The following TSKS variants were observed in gnomAD, a reference collection of about 807,000 sequenced individuals.
TSKS encodes testis-specific serine kinase substrate.
A neutral mutation model predicts 68.0 loss-of-function variants in TSKS; 27 were observed. The observed-to-expected ratio is 0.40, with a 90% CI of 0.29 to 0.55. TSKS has a LOEUF of 0.55. Among genes scored for constraint, TSKS ranks in the 20% least tolerant of loss-of-function variants. The probability of loss-of-function intolerance (pLI) is 0.53; values close to 1 mark genes in which losing one functional copy is unlikely to be tolerated. For synonymous variants in TSKS, 331 were observed against 340.4 expected (o/e 0.97, Z 0.30); for missense variants, 806 against 776.0 (o/e 1.04, Z -0.46).
At position 49,746,689 on chromosome 19, in the gene TSKS, G is replaced by A. The variant is rs1568562232; in HGVS notation, c.773C>T (p.Pro258Leu). The change falls in exon 6 of 11, where the codon CCG becomes CTG. Residue 258 changes from proline to leucine, a missense_variant. By Grantham distance (98) the Pro-to-Leu change is moderately conservative (BLOSUM62 -3). Coordinates refer to ENST00000246801, the MANE Select transcript of TSKS (RefSeq NM_021733.2). Reference protein sequence around the residue: ...EKQEPEEKQEPEEKQKPEAGL... With the variant: ...EKQEPEEKQELEEKQKPEAGL... ...AGCCTCCGGCTTCTGCTTCTCCTCCGGCTCCTGCTTCTCCTCCGGCTCCTG... is the reference window on the plus strand; with the variant it reads ...AGCCTCCGGCTTCTGCTTCTCCTCCAGCTCCTGCTTCTCCTCCGGCTCCTG... 4 of 1,296,990 alleles carry A rather than the reference G, an allele frequency of 3.1e-6. No homozygotes were observed. Among genetic ancestry groups the A allele is most frequent in the East Asian group, 2.8e-5 (1 of 36,166 alleles). The allele number at this position is 1,296,990 out of a possible 1,614,324, so 80.3% of individuals were successfully genotyped here.
At chr19:49,746,084 G>A (rs936905933) in intron 6 of TSKS, among the ~76,000 whole-genome samples, 1 of 152,184 alleles carries the variant, frequency 6.6e-6, no homozygotes, top group Non-Finnish European at 1.5e-5. Flanking sequence ...TGGGGAGGCT[G>A]AAGCAGGAGA....
chr19:49,750,280 G>C (rs1460615363), intron 2 of TSKS, among the ~76,000 whole-genome samples: 1 of 71,234 alleles, frequency 1.4e-5, no homozygotes, highest in East Asian at 3.7e-4. Context: ...TTTTTTTTTT[G>C]ACAGAGTCTT....
At chr19:49,760,570 CAT>C in intron 2 of TSKS, among the ~76,000 whole-genome samples, 1 of 151,958 alleles carries the variant, frequency 6.6e-6, no homozygotes, top group East Asian at 1.9e-4. Context: ...CTCCTGACCT[CAT>C]GATCCACCCG....
chr19:49,741,808 C>A (rs1600185653), intron 9 of TSKS, 77 bp downstream of exon 9: 1 of 1,599,364 alleles, frequency 6.3e-7, no homozygotes, highest in East Asian at 2.2e-5. Flanking sequence ...CCAGCAGTAC[C>A]CTTGAGTCCG....
intron 9 of TSKS, chr19:49,740,384 GTGTC>G (rs1315084531): frequency 1.6e-6 from 1 of 622,730 alleles, no homozygotes; most frequent in Admixed American, 3.1e-5. Flanking sequence ...GACTAAATCT[GTGTC>G]TGTCCTATTG....
chr19:49,742,492 G>A lies in TSKS; in HGVS notation c.1362-472C>T, dbSNP rs529727978. Among the ~76,000 whole-genome samples the A allele has an allele frequency of 4.4e-5, 6 of 136,404 alleles. No individual in the cohort carries two copies. In the South Asian group the frequency reaches 7.1e-4, roughly 16 times the overall value. 89.5% of individuals were successfully genotyped at this position (136,404 alleles called of 152,430 possible). ...ATTACAGGCATGAGCCACCGGGCCC[G>A]GCCCTTTTTTTTTTTTTTTTTTTTG... is the stretch of plus-strand genomic sequence containing the variant. On this transcript the variant is annotated intron_variant, in intron 8 of 10. Coordinates refer to ENST00000246801, the MANE Select transcript of TSKS (RefSeq NM_021733.2).
In TSKS at chr19:49,762,342, A is replaced by C; in HGVS notation, c.171-110T>G. 3 of 736,834 alleles carry C rather than the reference A, an allele frequency of 4.1e-6. No homozygotes were observed. In the Middle Eastern group the frequency reaches 1.2e-3, roughly 286 times the overall value. The allele number at this position is 736,834 out of a possible 1,614,324, so 45.6% of individuals were successfully genotyped here. On this transcript the variant is annotated intron_variant, in intron 1 of 10. Transcript: ENST00000246801. ...CCCTGTGACTCCACCCTCACTGTATATAAGTTTCTCCCTTCTCTGTCCCCG... is the reference window on the plus strand; with the variant it reads ...CCCTGTGACTCCACCCTCACTGTATCTAAGTTTCTCCCTTCTCTGTCCCCG...
At chr19:49,746,409 G>A in intron 6 of TSKS, 61 bp downstream of exon 6, 1 of 1,592,894 alleles carries the variant, frequency 6.3e-7, no homozygotes, top group Non-Finnish European at 8.6e-7. Flanking sequence ...TCTCCTCGAG[G>A]CTCCACCCCT....
intron 2 of TSKS, among the ~76,000 whole-genome samples, chr19:49,753,728 G>C (rs10424569): frequency 0.17 from 25,887 of 149,360 alleles, 2,743 homozygotes; most frequent in African/African-American, 0.3. Context: ...ACAGTGGCCT[G>C]GGCAACAGAG....
intron 6 of TSKS, among the ~76,000 whole-genome samples, chr19:49,745,624 C>A (rs1351431091): frequency 1.3e-5 from 2 of 152,058 alleles, no homozygotes; most frequent in Non-Finnish European, 2.9e-5. Context: ...GCTATCTTGG[C>A]CCTTTCCTGG....
At chr19:49,747,945 G>A (rs774370019) in intron 4 of TSKS, 140 bp downstream of exon 4, 8 of 769,730 alleles carry the variant, frequency 1.0e-5, no homozygotes, top group Non-Finnish European at 1.6e-5. Context: ...CTGACCTCAG[G>A]TGATCTGCCT....
At position 49,746,513 on chromosome 19, in the gene TSKS, C is replaced by G; in HGVS notation, c.949G>C (p.Glu317Gln). The G allele has an allele frequency of 6.2e-7, 1 of 1,613,908 alleles. No individual in the cohort carries two copies. Among genetic ancestry groups the G allele is most frequent in the South Asian group, 1.1e-5 (1 of 91,072 alleles). The change falls in exon 6 of 11, where the codon GAG becomes CAG. Residue 317 changes from glutamate (E) to glutamine (Q), a missense_variant. Physicochemically the swap from Glu to Gln is conservative, Grantham distance 29. Transcript: ENST00000246801. The part of the protein sequence containing the change: ...PRAGEGPYVS[E>Q]QELQKLFTGI... ...GTGAACAGCTTCTGCAATTCCTGCTCGCTCACGTAGGGGCCCTCGCCAGCC... is the reference window on the plus strand; with the variant it reads ...GTGAACAGCTTCTGCAATTCCTGCTGGCTCACGTAGGGGCCCTCGCCAGCC...
At chr19:49,747,627 C>T (rs542420865) in intron 4 of TSKS, among the ~76,000 whole-genome samples, 155 bp from the exon 5 acceptor site, 8 of 152,352 alleles carry the variant, frequency 5.3e-5, no homozygotes, top group Non-Finnish European at 1.5e-5. Flanking sequence ...GGATGGCTTC[C>T]TCCTTAGCCA....
chr19:49,743,964 C>T (rs2084274344), intron 8 of TSKS, among the ~76,000 whole-genome samples: 2 of 152,198 alleles, frequency 1.3e-5, no homozygotes, highest in Non-Finnish European at 2.9e-5. Flanking sequence ...ACCTTGGTCT[C>T]CCGAAGTGCT....
Position 49,740,088 on chromosome 19 carries a change from G to T in TSKS, c.1593C>A (p.Asn531Lys). Residue 531 changes from asparagine (N) to lysine (K), a missense_variant, in exon 10 of 11, where the codon AAC (asparagine) becomes AAA (lysine). Coordinates refer to ENST00000246801, the MANE Select transcript of TSKS (RefSeq NM_021733.2). ...LAQDEALRAK[N>K]LLLTDKMKPE... ...GCTTCATCTTGTCTGTCAGCAGTAGGTTCTTGGCCCGCAGGGCCTCGTCTT... is the reference window on the plus strand; with the variant it reads ...GCTTCATCTTGTCTGTCAGCAGTAGTTTCTTGGCCCGCAGGGCCTCGTCTT... 1.2e-6 allele frequency: 2 copies of T among 1,614,154 alleles called. No homozygotes were observed. Among genetic ancestry groups the T allele is most frequent in the Non-Finnish European group, 1.7e-6 (2 of 1,180,030 alleles).
chr19:49,741,508 A>G (rs139148070), intron 9 of TSKS, among the ~76,000 whole-genome samples: 8 of 152,202 alleles, frequency 5.3e-5, no homozygotes, highest in Admixed American at 3.3e-4. Flanking sequence ...TTTTACCTCA[A>G]TATAGCTGAC....
chr19:49,744,361 G>A lies in TSKS; in HGVS notation c.1231C>T (p.Leu411=), dbSNP rs752279748. ...AVSVASLRSE[L]EGLGPLKPIL... The stretch of plus-strand genomic sequence containing the variant: ...GGTTTCAGTGGGCCCAGCCCCTCCA[G>A]TTCGCTCCTCAGTGAAGCCACAGAC... The change falls in exon 8 of 11, where the codon CTG becomes TTG. Residue 411 remains leucine (L), a synonymous_variant. Transcript: ENST00000246801. The A allele has an allele frequency of 2.5e-6, 4 of 1,614,056 alleles. No homozygotes were observed. Among genetic ancestry groups the A allele is most frequent in the Admixed American group, 1.7e-5 (1 of 59,978 alleles).
In TSKS at chr19:49,747,490, G is replaced by T. The variant is rs370549034; in HGVS notation, c.580-18C>A. 3.1e-6 allele frequency: 5 copies of T among 1,613,208 alleles called. No homozygotes were observed. In the African/African-American group the frequency reaches 6.7e-5, roughly 22 times the overall value. ...CAGTTCTCCTGGGTCAGACACCAGGGCGAGGGCCCTGCCTTCCCATTCCAG... is the reference window on the plus strand; with the variant it reads ...CAGTTCTCCTGGGTCAGACACCAGGTCGAGGGCCCTGCCTTCCCATTCCAG... On this transcript the variant is annotated intron_variant, in intron 4 of 10. Transcript: ENST00000246801.
intron 2 of TSKS, among the ~76,000 whole-genome samples, chr19:49,757,603 A>C (rs2084402364): frequency 6.6e-6 from 1 of 152,060 alleles, no homozygotes; most frequent in South Asian, 2.1e-4. Flanking sequence ...AAATGGAGAT[A>C]TAACTAACAA....
Sources: gnomAD v4.1 joint callset for allele counts (sites outside exome capture counted in the v4.1 genomes callset) on GRCh38, gnomAD v4.1.1 for gene constraint, MANE v1.5 for transcripts, NCBI Gene and HGNC (gene_info 2026-07-23, HGNC 2026-07-21) for gene names.